The following HRH2 variants were observed in gnomAD, a reference collection of about 807,000 sequenced individuals.
HRH2 encodes the protein histamine H2 receptor.
HRH2 carries 4 observed loss-of-function variants against 20.1 expected under a neutral mutation model. The ratio of observed to expected loss-of-function variants is 0.20; its 90% CI spans 0.10 to 0.45. HRH2 has a LOEUF of 0.45. HRH2 is among the 20% of genes least tolerant of loss of function. The probability of loss-of-function intolerance (pLI) is 0.99; values close to 1 mark genes in which losing one functional copy is unlikely to be tolerated. For missense variants in HRH2, 250 were observed against 461.6 expected (o/e 0.54, Z 4.20); for synonymous variants, 197 against 200.7 (o/e 0.98, Z 0.16).
rs1581475284 is a variant in HRH2 at position 175,708,566 on chromosome 5, G to A, written c.*595G>A. 6.6e-6 allele frequency: 1 copy of A among 152,454 alleles called. No individual in the cohort carries two copies. Among genetic ancestry groups the A allele is most frequent in the African/African-American group, 2.4e-5 (1 of 41,422 alleles). 9.4% of individuals were successfully genotyped at this position (152,454 alleles called of 1,614,324 possible). A position where few individuals can be genotyped will look rare whatever the true frequency, so the allele number is the denominator to read the frequency against. ...TGGAAACTGAGGCTCAGAGAAGTAA[G>A]GGACCTGCCCAAGGCCACTCAGCAC... On this transcript the variant is annotated 3_prime_UTR_variant, in exon 3 of 3. Coordinates refer to ENST00000636584, the MANE Select transcript of HRH2 (RefSeq NM_001367711.1).
At chr5:175,700,119 ACCT>A (rs1357501367) in intron 2 of HRH2, among the ~76,000 whole-genome samples, 1 of 151,926 alleles carries the variant, frequency 6.6e-6, no homozygotes, top group Non-Finnish European at 1.5e-5. Flanking sequence ...CGAATCTCAC[ACCT>A]CCTCCTATTC....
At chr5:175,694,585 C>T (rs768805410) in intron 2 of HRH2, among the ~76,000 whole-genome samples, 8 of 152,172 alleles carry the variant, frequency 5.3e-5, no homozygotes, top group Non-Finnish European at 1.2e-4. Flanking sequence ...TCAGGCTCAC[C>T]GTAGGCTCTG....
intron 1 of HRH2, among the ~76,000 whole-genome samples, chr5:175,669,525 G>A (rs887727554): frequency 2.0e-5 from 3 of 151,922 alleles, no homozygotes; most frequent in Non-Finnish European, 2.9e-5. Flanking sequence ...CAGCACACCC[G>A]GCTAGTTCTT....
chr5:175,668,315 G>T lies in HRH2; in HGVS notation c.-526+10160G>T, dbSNP rs546176468. On this transcript the variant is annotated intron_variant, in intron 1 of 2. Transcript: ENST00000636584. ...TGGCACACATTTACCCACTGACTCC[G>T]CACAGCAGTCAGACAGCGGGGGACT... Among the ~76,000 whole-genome samples the T allele has an allele frequency of 8.1e-4, 124 of 152,294 alleles. 1 individual carries two copies. Among genetic ancestry groups the T allele is most frequent in the Non-Finnish European group, 1.2e-3 (79 of 68,032 alleles).
intron 2 of HRH2, among the ~76,000 whole-genome samples, chr5:175,696,531 A>G (rs552463073): frequency 2.6e-4 from 39 of 152,364 alleles, no homozygotes; most frequent in South Asian, 8.3e-4. Context: ...AATATCTGTC[A>G]TATCGATCAT....
chr5:175,692,579 T>G (rs1330268647), intron 2 of HRH2, among the ~76,000 whole-genome samples: 2 of 152,254 alleles, frequency 1.3e-5, no homozygotes, highest in Non-Finnish European at 2.9e-5. Context: ...GAGCAAATGC[T>G]TAGTAAGTGG....
At chr5:175,678,092 G>C (rs551604253) in intron 1 of HRH2, among the ~76,000 whole-genome samples, 2 of 152,218 alleles carry the variant, frequency 1.3e-5, no homozygotes, top group East Asian at 3.9e-4. Context: ...ACATTCTGGC[G>C]GTGCTATTTC....
At chr5:175,688,518 T>G (rs974929759) in intron 2 of HRH2, among the ~76,000 whole-genome samples, 3 of 152,308 alleles carry the variant, frequency 2.0e-5, no homozygotes, top group East Asian at 1.9e-4. Context: ...GGCCCTCTTC[T>G]CATAGGAATG....
At chr5:175,684,563 G>A (rs977340375) in intron 2 of HRH2, among the ~76,000 whole-genome samples, 8 of 152,212 alleles carry the variant, frequency 5.3e-5, no homozygotes, top group African/African-American at 1.4e-4. Context: ...CCTGAAGAGC[G>A]GTCACCTGAC....
rs760241186 is a variant in HRH2, at chr5:175,687,058, G to A, written c.1076+2749G>A. Among the ~76,000 whole-genome samples, 11 of 152,280 alleles carry A rather than the reference G, an allele frequency of 7.2e-5. No individual in the cohort carries two copies. The highest frequency in any genetic ancestry group is 1.9e-4 in the East Asian group (1 of 5,162). On this transcript the variant is annotated intron_variant, in intron 2 of 2. Coordinates refer to ENST00000636584, the MANE Select transcript of HRH2 (RefSeq NM_001367711.1). This position sits in a 1 kb window ranked among gnomAD's most constrained non-coding sequence, Gnocchi z 5.2. ...CAGCCGTGGAGGCAGGGCCAGATCC[G>A]AGTCCAGAGCCCATGCTCCTGGAGA...
intron 1 of HRH2, among the ~76,000 whole-genome samples, chr5:175,664,558 G>T (rs960486968): frequency 6.6e-6 from 1 of 152,198 alleles, no homozygotes; most frequent in African/African-American, 2.4e-5. Context: ...GGCAGTGGGG[G>T]CAGGCAGTAG....
Position 175,693,740 on chromosome 5 carries a change from C to T in HRH2, c.1076+9431C>T, listed in dbSNP as rs892342535. Among the ~76,000 whole-genome samples, 7 of 152,184 alleles carry T rather than the reference C, an allele frequency of 4.6e-5. No homozygotes were observed. The highest frequency in any genetic ancestry group is 1.7e-4 in the African/African-American group (7 of 41,438). On this transcript the variant is annotated intron_variant, in intron 2 of 2. Coordinates refer to ENST00000636584, the MANE Select transcript of HRH2 (RefSeq NM_001367711.1). The surrounding 1 kb of genome is among the most constrained non-coding windows in gnomAD (Gnocchi z 4.4). The stretch of plus-strand genomic sequence containing the variant: ...TCTGTGCTCCCTTCCCATCTTGGTC[C>T]GGGTGCAGACATGGCCTTAATGTCA...
chr5:175,670,208 G>C (rs1448935053), intron 1 of HRH2, among the ~76,000 whole-genome samples: 2 of 152,188 alleles, frequency 1.3e-5, no homozygotes, highest in Non-Finnish European at 2.9e-5. Flanking sequence ...CAAAGCAGAA[G>C]GATCTCTTGA....
At chr5:175,664,355 T>C (rs1385019788) in intron 1 of HRH2, among the ~76,000 whole-genome samples, 1 of 152,160 alleles carries the variant, frequency 6.6e-6, no homozygotes, top group Admixed American at 6.5e-5. Flanking sequence ...GCACTGAAGA[T>C]ACAGCAATGG....
intron 2 of HRH2, among the ~76,000 whole-genome samples, chr5:175,695,053 C>T (rs11957310): frequency 0.054 from 8,225 of 152,118 alleles, 250 homozygotes; most frequent in Middle Eastern, 0.078. Context: ...GGGCCCGTGC[C>T]GATGACACAG....
chr5:175,689,500 G>A (rs1756289245), intron 2 of HRH2, among the ~76,000 whole-genome samples: 1 of 152,230 alleles, frequency 6.6e-6, no homozygotes, highest in African/African-American at 2.4e-5. Context: ...ATGAGTGGAT[G>A]TCTTGTTATA....
chr5:175,664,139 C>T (rs1762820169), intron 1 of HRH2, among the ~76,000 whole-genome samples: 1 of 152,204 alleles, frequency 6.6e-6, no homozygotes, highest in East Asian at 1.9e-4. Flanking sequence ...CACCCAACCT[C>T]CAAGAACAGG....
chr5:175,684,236 C>T lies in HRH2; in HGVS notation c.1003C>T (p.Gln335Ter). The T allele has an allele frequency of 6.2e-7, 1 of 1,614,170 alleles. No homozygotes were observed. Among genetic ancestry groups the T allele is most frequent in the Non-Finnish European group, 8.5e-7 (1 of 1,180,026 alleles). Reference protein sequence around the residue: ...SRTQSREPRQQEEKPLKLQVW... With the variant: ...SRTQSREPRQ ...GACCCAAAGCCGAGAACCCAGGCAA[C>T]AGGAAGAGAAACCCCTGAAGCTCCA... is the stretch of plus-strand genomic sequence containing the variant. Residue 335 changes from glutamine to a stop codon, truncating the protein, a stop_gained, in exon 2 of 3, where the codon CAG becomes TAG. Coordinates refer to ENST00000636584, the MANE Select transcript of HRH2 (RefSeq NM_001367711.1). LOFTEE classifies it high-confidence loss of function.
chr5:175,706,348 A>G (rs775073270), intron 2 of HRH2, among the ~76,000 whole-genome samples: 14 of 152,240 alleles, frequency 9.2e-5, no homozygotes, highest in Non-Finnish European at 1.8e-4. Flanking sequence ...ATGACTGAAT[A>G]GAGGAAGAAT....
Sources: allele counts gnomAD v4.1 joint callset (sites outside exome capture counted in the v4.1 genomes callset), GRCh38; gene constraint gnomAD v4.1.1; non-coding constraint Gnocchi (gnomAD v3.1); transcripts MANE v1.5; gene names NCBI Gene and HGNC (gene_info 2026-07-23, HGNC 2026-07-21).